ARHGAP45: variants seen among roughly 807,000 people sequenced by gnomAD.
The protein encoded by ARHGAP45 is rho GTPase-activating protein 45.
Under a neutral mutation model 116.1 loss-of-function variants are expected in ARHGAP45, and 56 were observed. That is an observed-to-expected ratio of 0.48 (90% CI 0.39 to 0.60). The LOEUF (loss-of-function observed/expected upper bound fraction) is 0.60. Among genes scored for constraint, ARHGAP45 ranks in the 20% least tolerant of loss-of-function variants. ARHGAP45 has a pLI of 0.00. For missense variants in ARHGAP45, 1,622 were observed against 1,601.0 expected, an observed-to-expected ratio of 1.01 and a Z score of -0.22; for synonymous variants, 866 against 701.7, an observed-to-expected ratio of 1.23 and a Z score of -3.70.
rs750368742 is a variant in ARHGAP45 at position 1,080,044 on chromosome 19, C to T, written c.1629C>T (p.His543=). Reference sequence around the variant, plus strand: ...ACCCAGGCCAGCAGTACGCCTCCCACGTGCGCCAGCTGCAGCGGGACCAGG... The same window carrying T: ...ACCCAGGCCAGCAGTACGCCTCCCATGTGCGCCAGCTGCAGCGGGACCAGG... ...LYDPGQQYAS[H]VRQLQRDQEP... Residue 543 remains histidine (H), a synonymous_variant, in exon 13 of 23, where the codon CAC becomes CAT. Transcript: ENST00000313093. 3.7e-6 allele frequency: 6 copies of T among 1,612,740 alleles called. No homozygotes were observed. The highest frequency in any genetic ancestry group is 2.2e-5 in the South Asian group (2 of 91,092).
rs1477086714 is a variant in ARHGAP45, at chr19:1,074,326, C to T, written c.929-17C>T. The T allele has an allele frequency of 6.2e-7, 1 of 1,611,106 alleles. No individual in the cohort carries two copies. Among genetic ancestry groups the T allele is most frequent in the South Asian group, 1.1e-5 (1 of 90,848 alleles). ...AAGGCCTTGTCCCAGCACCTCACAC[C>T]CCTCTCCGGCCCGCAGAGATGGAGT... is the stretch of plus-strand genomic sequence containing the variant. On this transcript the variant is annotated splice_polypyrimidine_tract_variant and intron_variant, in intron 7 of 22. Coordinates refer to ENST00000313093, the MANE Select transcript of ARHGAP45 (RefSeq NM_012292.5).
intron 11 of ARHGAP45, among the ~76,000 whole-genome samples, chr19:1,078,414 A>G (rs1441663764): frequency 6.7e-6 from 1 of 150,094 alleles, no homozygotes; most frequent in Non-Finnish European, 1.5e-5. Context: ...AAGTGCTGGG[A>G]TTATAGGCAT....
At chr19:1,076,481 G>GTTTTTTTTTTTTTTTTTTT (rs1568464614) in intron 10 of ARHGAP45, among the ~76,000 whole-genome samples, 17 of 104,174 alleles carry the variant, frequency 1.6e-4, no homozygotes, top group African/African-American at 6.3e-4. Flanking sequence ...GTTGGCAGTA[G>GTTTTTTTTTTTTTTTTTTT]TCTTTTTTTT....
Position 1,081,666 on chromosome 19 carries a change from C to CA in ARHGAP45, c.2307_2308insA (p.Ala770SerfsTer132). ...AGGACTTCAGCCACGCGGCCCGCAG[C>CA]GCCCCCGACGGCGTGCCCTTCATCG... On this transcript the variant is annotated frameshift_variant, in exon 18 of 23. Transcript: ENST00000313093. LOFTEE classifies it high-confidence loss of function. 1 of 1,582,830 alleles carries CA rather than the reference C, an allele frequency of 6.3e-7. No homozygotes were observed. The highest frequency in any genetic ancestry group is 8.6e-7 in the Non-Finnish European group (1 of 1,165,218).
chr19:1,083,441 C>T (rs1451010168), intron 21 of ARHGAP45, 88 bp downstream of exon 21: 3 of 1,174,526 alleles, frequency 2.6e-6, no homozygotes, highest in East Asian at 2.6e-5. Context: ...GGATGAAGCC[C>T]AAGGAACCAC....
rs937219496 is a variant in ARHGAP45, at chr19:1,083,498, TTTTTGTGTCTTTTA to T, written c.2955+147_2955+160del. 11 of 690,704 alleles carry T rather than the reference TTTTTGTGTCTTTTA, an allele frequency of 1.6e-5. No individual in the cohort carries two copies. The Admixed American group carries it at 1.6e-4, about 10-fold the overall frequency. 42.8% of individuals were successfully genotyped at this position (690,704 alleles called of 1,614,324 possible). A position where few individuals can be genotyped will look rare whatever the true frequency, so the allele number is the denominator to read the frequency against. On this transcript the variant is annotated intron_variant, in intron 21 of 22. Coordinates refer to ENST00000313093, the MANE Select transcript of ARHGAP45 (RefSeq NM_012292.5). ...CAGGGCTGTTCGGGAGGCCACTGTCTTTTTGTGTCTTTTATGCAAAAAACTCAGCGAGGTCTGCA... is the reference window on the plus strand; with the variant it reads ...CAGGGCTGTTCGGGAGGCCACTGTCTTGCAAAAAACTCAGCGAGGTCTGCA...
intron 22 of ARHGAP45, among the ~76,000 whole-genome samples, chr19:1,085,393 G>A (rs2043578315): frequency 6.6e-6 from 1 of 152,016 alleles, no homozygotes; most frequent in Non-Finnish European, 1.5e-5. Flanking sequence ...ATGAGGTTTG[G>A]GTGGGGACAC....
chr19:1,081,316 G>C (rs1474735671), intron 17 of ARHGAP45: 2 of 638,388 alleles, frequency 3.1e-6, no homozygotes, highest in East Asian at 2.8e-5. Flanking sequence ...AGAAGACCTG[G>C]AGGGCAAAGG....
upstream of ARHGAP45, among the ~76,000 whole-genome samples, chr19:1,066,929 G>T (rs12981369): frequency 0.26 from 38,797 of 152,100 alleles, 6,319 homozygotes; most frequent in Middle Eastern, 0.38. Context: ...GCTTGGTGGC[G>T]TCTGAGCGCG....
chr19:1,084,950 A>T (rs181679563), intron 22 of ARHGAP45, among the ~76,000 whole-genome samples: 1 of 152,046 alleles, frequency 6.6e-6, no homozygotes, highest in Non-Finnish European at 1.5e-5. Flanking sequence ...GGTGTGGTGG[A>T]GGGCACCTGT....
intron 10 of ARHGAP45, 84 bp from the exon 11 acceptor site, chr19:1,077,773 G>T (rs934547064): frequency 3.9e-6 from 6 of 1,544,914 alleles, no homozygotes; most frequent in Non-Finnish European, 5.3e-6. Flanking sequence ...AGAGATGGGG[G>T]TGGGGAGGAA....
At position 1,081,609 on chromosome 19, in the gene ARHGAP45, G is replaced by A. The variant is rs1226841246; in HGVS notation, c.2250G>A (p.Lys750=). 5.1e-6 allele frequency: 8 copies of A among 1,554,868 alleles called. No individual in the cohort carries two copies. Among genetic ancestry groups the A allele is most frequent in the Non-Finnish European group, 7.0e-6 (8 of 1,149,346 alleles). ...CGCTGGCCATACAGTGCGGGCACAA[G>A]AAGCTGCAAGGCCGCCTGCAGCTGT... ...LETLAIQCGH[K]KLQGRLQLFG... is the part of the protein sequence containing the mutation. Residue 750 remains lysine (K), a synonymous_variant, in exon 18 of 23, where the codon AAG becomes AAA. Coordinates refer to ENST00000313093, the MANE Select transcript of ARHGAP45 (RefSeq NM_012292.5).
intron 21 of ARHGAP45, among the ~76,000 whole-genome samples, chr19:1,083,771 G>A (rs1198868604): frequency 6.6e-6 from 1 of 152,120 alleles, no homozygotes; most frequent in Non-Finnish European, 1.5e-5. Context: ...TTGTAGTTTC[G>A]CTCCTGCTGC....
rs529294199 is a variant in ARHGAP45 at position 1,084,512 on chromosome 19, TCC to T, written c.3064+167_3064+168del. On this transcript the variant is annotated intron_variant, in intron 22 of 22. Coordinates refer to ENST00000313093, the MANE Select transcript of ARHGAP45 (RefSeq NM_012292.5). ...ACACCTATGAGCTACTCATTCAGTG[TCC>T]TTTAACCGGCTGCAAAAACAGGCAA... 4.0e-3 allele frequency among the ~76,000 whole-genome samples: 616 copies of T among 152,330 alleles called. 4 individuals are homozygous for T. The highest frequency in any genetic ancestry group is 0.014 in the African/African-American group (596 of 41,578).
chr19:1,079,861 G>T (rs749497718), intron 12 of ARHGAP45, 21 bp downstream of exon 12: 30 of 1,594,378 alleles, frequency 1.9e-5, no homozygotes, highest in Non-Finnish European at 2.5e-5. Context: ...TGCTCCGGCC[G>T]CCCGGGCGGG....
In ARHGAP45 at chr19:1,079,780, G is replaced by A. The variant is rs1157013742; in HGVS notation, c.1452G>A (p.Lys484=). ...AGAAGCAGGAGCTGGAGGATACCAA[G>A]GTGACGGCGCTGCGGCAGATCCAGG... is the stretch of plus-strand genomic sequence containing the variant. ...KTQKQELEDT[K]VTALRQIQEV... Residue 484 remains lysine, a synonymous_variant, in exon 12 of 23, where the codon AAG becomes AAA. Transcript: ENST00000313093. The A allele has an allele frequency of 7.4e-6, 12 of 1,611,650 alleles. No homozygotes were observed. The highest frequency in any genetic ancestry group is 9.3e-6 in the Non-Finnish European group (11 of 1,179,002).
chr19:1,081,655 G>A lies in ARHGAP45; in HGVS notation c.2296G>A (p.Ala766Thr), dbSNP rs772128443. The change falls in exon 18 of 23, where the codon GCG (alanine) becomes ACG (threonine). Residue 766 changes from alanine (A) to threonine (T), a missense_variant. This residue lies in a region of ARHGAP45 where 1,334 missense variants were observed against 1,263.8 expected (regional missense o/e 1.06). Coordinates refer to ENST00000313093, the MANE Select transcript of ARHGAP45 (RefSeq NM_012292.5). ...GCTGTTCGGCCAGGACTTCAGCCAC[G>A]CGGCCCGCAGCGCCCCCGACGGCGT... ...LQLFGQDFSH[A>T]ARSAPDGVPF... The A allele has an allele frequency of 1.9e-6, 3 of 1,581,796 alleles. No individual in the cohort carries two copies. Among genetic ancestry groups the A allele is most frequent in the African/African-American group, 2.7e-5 (2 of 74,104 alleles).
intron 15 of ARHGAP45, 29 bp from the exon 16 acceptor site, chr19:1,080,653 G>T (rs1272597188): frequency 6.2e-7 from 1 of 1,609,406 alleles, no homozygotes; most frequent in Non-Finnish European, 8.5e-7. Context: ...CTGGCTGGGG[G>T]AGTCTGAACA....
In ARHGAP45 at chr19:1,071,148, C is replaced by G; in HGVS notation, c.422-2001C>G. 2.3e-6 allele frequency: 3 copies of G among 1,287,358 alleles called. No homozygotes were observed. The highest frequency in any genetic ancestry group is 3.0e-6 in the Non-Finnish European group (3 of 1,012,064). 79.7% of individuals were successfully genotyped at this position (1,287,358 alleles called of 1,614,324 possible). A position where few individuals can be genotyped will look rare whatever the true frequency, so the allele number is the denominator to read the frequency against. On this transcript the variant is annotated intron_variant, in intron 2 of 22. Coordinates refer to ENST00000313093, the MANE Select transcript of ARHGAP45 (RefSeq NM_012292.5). This position sits in a 1 kb window ranked among gnomAD's most constrained non-coding sequence, Gnocchi z 4.6. ...GGTTAAGGAAGGACCCAGGCTGGGG[C>G]GAACGGGACCCCAGGGCGGGGTTTC...
Sources: allele counts gnomAD v4.1 joint callset (sites outside exome capture counted in the v4.1 genomes callset), GRCh38; gene constraint gnomAD v4.1.1; regional missense constraint gnomAD v4.1.1; non-coding constraint Gnocchi (gnomAD v3.1); transcripts MANE v1.5; gene names NCBI Gene and HGNC (gene_info 2026-07-23, HGNC 2026-07-21).